Variants in CTNNA3 observed in about 807,000 individuals in gnomAD.
The protein encoded by CTNNA3 is catenin alpha 3, also known as catenin alpha-3.
A neutral mutation model predicts 95.7 loss-of-function variants in CTNNA3; 76 were observed. The observed-to-expected ratio is 0.79, with a 90% CI of 0.66 to 0.96. The LOEUF is 0.96. CTNNA3 is among the 40% of genes least tolerant of loss of function. CTNNA3 has a pLI of 0.00. For synonymous variants in CTNNA3, 431 were observed against 374.4 expected (o/e 1.15, Z -1.74); for missense variants, 1,191 against 1,089.8 (o/e 1.09, Z -1.31).
intron 5 of CTNNA3, among the ~76,000 whole-genome samples, chr10:67,358,786 A>G (rs1842904299): frequency 6.6e-6 from 1 of 152,102 alleles, no homozygotes; most frequent in Non-Finnish European, 1.5e-5. Flanking sequence ...AAAGAGAAGG[A>G]GGTGCAGCCC....
At chr10:66,838,655 C>G (rs554119267) in intron 7 of CTNNA3, among the ~76,000 whole-genome samples, 1 of 152,206 alleles carries the variant, frequency 6.6e-6, no homozygotes, top group South Asian at 2.1e-4. Flanking sequence ...CTAGCCTTTA[C>G]GGTTCTCTAG....
chr10:66,066,553 G>A (rs1456831743), intron 15 of CTNNA3, among the ~76,000 whole-genome samples: 1 of 152,114 alleles, frequency 6.6e-6, no homozygotes, highest in Non-Finnish European at 1.5e-5. Flanking sequence ...AGAGGAATAA[G>A]AAGACATTTA....
chr10:66,850,303 T>G (rs369976714), intron 7 of CTNNA3, among the ~76,000 whole-genome samples: 4 of 152,318 alleles, frequency 2.6e-5, no homozygotes, highest in African/African-American at 9.6e-5. Context: ...TCTGATAGCA[T>G]GTTTATACTT....
chr10:67,427,132 G>C (rs1321017755), intron 5 of CTNNA3, among the ~76,000 whole-genome samples: 2 of 151,852 alleles, frequency 1.3e-5, no homozygotes, highest in Non-Finnish European at 2.9e-5. Context: ...TTCTTTATGG[G>C]TACCAGGCAT....
chr10:67,442,175 T>TA (rs1846546190), intron 5 of CTNNA3, among the ~76,000 whole-genome samples: 28 of 152,182 alleles, frequency 1.8e-4, no homozygotes, highest in Admixed American at 1.8e-3. Flanking sequence ...GGTTATAAGA[T>TA]AGTATTTGCA....
chr10:67,353,417 T>C (rs910239497), intron 5 of CTNNA3, among the ~76,000 whole-genome samples: 1 of 152,010 alleles, frequency 6.6e-6, no homozygotes, highest in Non-Finnish European at 1.5e-5. Context: ...TTTAATTCAG[T>C]GCAGCATTTC....
At chr10:67,334,769 G>A (rs1262700336) in intron 5 of CTNNA3, 4 of 153,320 alleles carry the variant, frequency 2.6e-5, no homozygotes, top group East Asian at 3.7e-4. Flanking sequence ...TAACTACAAG[G>A]TTAGATATAA....
At chr10:67,726,482 T>A (rs1169190932) in intron 1 of CTNNA3, among the ~76,000 whole-genome samples, 1 of 48,292 alleles carries the variant, frequency 2.1e-5, no homozygotes, top group Non-Finnish European at 3.6e-5. Context: ...TATTATATAT[T>A]ATATCATATA....
chr10:66,838,363 T>C (rs1842947795), intron 7 of CTNNA3, among the ~76,000 whole-genome samples: 1 of 152,110 alleles, frequency 6.6e-6, no homozygotes, highest in Admixed American at 6.6e-5. Flanking sequence ...ACAACAATAA[T>C]AAATGTTATC....
intron 5 of CTNNA3, among the ~76,000 whole-genome samples, chr10:67,377,392 CT>C (rs1843734132): frequency 1.3e-5 from 2 of 152,132 alleles, no homozygotes; most frequent in Admixed American, 1.3e-4. Flanking sequence ...TCTCCTAGGT[CT>C]TTTCAGTTTA....
chr10:66,502,214 A>G (rs1176842908), intron 11 of CTNNA3, among the ~76,000 whole-genome samples: 2 of 152,090 alleles, frequency 1.3e-5, no homozygotes, highest in Admixed American at 6.6e-5. Flanking sequence ...ATTCACAGTC[A>G]AGTGAAAGAA....
intron 9 of CTNNA3, among the ~76,000 whole-genome samples, chr10:66,632,419 G>A (rs1845170602): frequency 1.3e-5 from 2 of 151,878 alleles, no homozygotes; most frequent in Non-Finnish European, 2.9e-5. Context: ...GCCGGGCTTG[G>A]TGGCGCATGC....
chr10:66,938,827 A>G (rs1044364601), intron 7 of CTNNA3, among the ~76,000 whole-genome samples: 3 of 152,218 alleles, frequency 2.0e-5, no homozygotes, highest in African/African-American at 7.2e-5. Context: ...AAAAATTGAG[A>G]CAAAGAAATA....
intron 5 of CTNNA3, among the ~76,000 whole-genome samples, chr10:67,280,557 C>T (rs1839354565): frequency 6.6e-6 from 1 of 152,000 alleles, no homozygotes; most frequent in Admixed American, 6.5e-5. Context: ...GCTCCCACTT[C>T]ACAGACTGAA....
At chr10:66,974,936 T>G in intron 7 of CTNNA3, among the ~76,000 whole-genome samples, 1 of 151,912 alleles carries the variant, frequency 6.6e-6, no homozygotes, top group Non-Finnish European at 1.5e-5. Context: ...CCAGTCCAGG[T>G]CAGCACAAGC....
chr10:66,715,758 A>G (rs1848430761), intron 9 of CTNNA3, among the ~76,000 whole-genome samples: 1 of 152,024 alleles, frequency 6.6e-6, no homozygotes, highest in Admixed American at 6.6e-5. Flanking sequence ...CATAAAATTT[A>G]TATTTCTCCT....
At chr10:66,325,701 T>C (rs540275176) in intron 12 of CTNNA3, among the ~76,000 whole-genome samples, 7 of 151,880 alleles carry the variant, frequency 4.6e-5, no homozygotes, top group Non-Finnish European at 8.8e-5. Context: ...ACTCTGAGGC[T>C]GTTTAGCCAC....
chr10:67,528,384 A>G (rs1840213303), intron 4 of CTNNA3, among the ~76,000 whole-genome samples: 1 of 152,142 alleles, frequency 6.6e-6, no homozygotes, highest in Non-Finnish European at 1.5e-5. Flanking sequence ...AAACTTTGTA[A>G]CTTAGCACAT....
At chr10:66,383,139 G>C (rs190257430) in intron 11 of CTNNA3, among the ~76,000 whole-genome samples, 1 of 151,682 alleles carries the variant, frequency 6.6e-6, no homozygotes, top group Non-Finnish European at 1.5e-5. Flanking sequence ...GGTAATAACA[G>C]ACTTCTCTGA....
Sources: allele counts gnomAD v4.1 joint callset (sites outside exome capture counted in the v4.1 genomes callset), GRCh38; gene constraint gnomAD v4.1.1; transcripts MANE v1.5; gene names NCBI Gene and HGNC (gene_info 2026-07-23, HGNC 2026-07-21).